DSCAM: variants seen among roughly 807,000 people sequenced by gnomAD.
DSCAM encodes the protein cell adhesion molecule DSCAM.
A neutral mutation model predicts 217.7 loss-of-function variants in DSCAM; 47 were observed. The ratio of observed to expected loss-of-function variants is 0.22; its 90% CI spans 0.17 to 0.28. DSCAM has a LOEUF of 0.28. DSCAM is among the 10% of genes least tolerant of loss of function. DSCAM has a pLI of 1.00. For missense variants in DSCAM, 2,080 were observed against 2,618.3 expected (o/e 0.79, Z 4.49); for synonymous variants, 1,056 against 1,015.3 (o/e 1.04, Z -0.76).
intron 18 of DSCAM, among the ~76,000 whole-genome samples, chr21:40,137,154 G>A (rs142563508): frequency 7.2e-4 from 94 of 131,428 alleles, no homozygotes; most frequent in African/African-American, 2.5e-3. Flanking sequence ...CAGCCTGGGC[G>A]ACAGAGCGAG....
At chr21:40,430,382 G>A (rs1455410448) in intron 3 of DSCAM, among the ~76,000 whole-genome samples, 2 of 152,154 alleles carry the variant, frequency 1.3e-5, no homozygotes, top group African/African-American at 4.8e-5. Context: ...TTAATTTGTT[G>A]GGCACAATCT....
chr21:40,296,191 G>T lies in DSCAM; in HGVS notation c.2063-17C>A. The T allele has an allele frequency of 6.2e-7, 1 of 1,613,372 alleles. No homozygotes were observed. The highest frequency in any genetic ancestry group is 8.5e-7 in the Non-Finnish European group (1 of 1,179,744). ...TGGGAGGAACTGAAAAGAGAGAAAT[G>T]TCACCAGTAATTAAGACTAGACCAG... is the stretch of plus-strand genomic sequence containing the variant. On this transcript the variant is annotated splice_polypyrimidine_tract_variant and intron_variant, in intron 9 of 32. Coordinates refer to ENST00000400454, the MANE Select transcript of DSCAM (RefSeq NM_001389.5).
chr21:40,567,579 A>G (rs1490158212), intron 3 of DSCAM, among the ~76,000 whole-genome samples: 1 of 152,242 alleles, frequency 6.6e-6, no homozygotes, highest in African/African-American at 2.4e-5. Flanking sequence ...ATCTGTCTCT[A>G]TAATTATCCA....
chr21:40,553,643 T>C lies in DSCAM; in HGVS notation c.508+139167A>G, dbSNP rs143917100. Among the ~76,000 whole-genome samples, 69 of 152,342 alleles carry C rather than the reference T, an allele frequency of 4.5e-4. No individual in the cohort carries two copies. In the South Asian group the frequency reaches 6.0e-3, roughly 13 times the overall value. On this transcript the variant is annotated intron_variant, in intron 3 of 32. Transcript: ENST00000400454. ...TTCCTCTTCTAGCCAACAACTGTGA[T>C]ATCTAAATGCTTCTCACTCTTCATT...
intron 3 of DSCAM, among the ~76,000 whole-genome samples, chr21:40,637,636 T>TATATCTATATAG: frequency 1.5e-5 from 1 of 67,312 alleles, no homozygotes; most frequent in African/African-American, 7.1e-5. Flanking sequence ...TATATAAATA[T>TATATCTATATAG]ATATAAATAT....
intron 21 of DSCAM, among the ~76,000 whole-genome samples, chr21:40,090,952 CAT>C (rs1568935470): frequency 6.6e-6 from 1 of 152,168 alleles, no homozygotes; most frequent in Non-Finnish European, 1.5e-5. Context: ...TATGCTAACT[CAT>C]GTGAGAATTT....
intron 3 of DSCAM, among the ~76,000 whole-genome samples, chr21:40,658,671 A>G (rs1399410851): frequency 6.6e-6 from 1 of 152,212 alleles, no homozygotes; most frequent in Non-Finnish European, 1.5e-5. Flanking sequence ...TGGGATGCCC[A>G]CAGTATGTGT....
Position 40,012,555 on chromosome 21 carries a change from AAAG to A in DSCAM, c.*476_*478del, listed in dbSNP as rs2088076264. On this transcript the variant is annotated 3_prime_UTR_variant, in exon 33 of 33. Coordinates refer to ENST00000400454, the MANE Select transcript of DSCAM (RefSeq NM_001389.5). ...ACGGCACTCATCCTAATTAACAACA[AAAG>A]AAGACCAAATTGAGAACCCGGTTTC... 6.6e-6 allele frequency: 1 copy of A among 152,302 alleles called. No individual in the cohort carries two copies. The highest frequency in any genetic ancestry group is 1.5e-5 in the Non-Finnish European group (1 of 68,142). 9.4% of individuals were successfully genotyped at this position (152,302 alleles called of 1,614,324 possible).
intron 20 of DSCAM, among the ~76,000 whole-genome samples, chr21:40,102,162 G>T (rs1232446890): frequency 6.6e-6 from 1 of 152,152 alleles, no homozygotes; most frequent in Admixed American, 6.5e-5. Flanking sequence ...AAACTCGTTT[G>T]AACCTTTCTC....
chr21:40,846,193 T>C (rs17764048), intron 1 of DSCAM, among the ~76,000 whole-genome samples: 5,518 of 152,178 alleles, frequency 0.036, 166 homozygotes, highest in Middle Eastern at 0.058. Flanking sequence ...TCAAAAAGCA[T>C]TGAATCTGAA....
In DSCAM at chr21:40,123,501, T is replaced by C. The variant is rs376675061; in HGVS notation, c.3696+694A>G. 1.1e-4 allele frequency among the ~76,000 whole-genome samples: 17 copies of C among 152,302 alleles called. No homozygotes were observed. The East Asian group carries it at 3.3e-3, about 29-fold the overall frequency. On this transcript the variant is annotated intron_variant, in intron 20 of 32. Transcript: ENST00000400454. ...GGTCATTTTAATGTTTTCTTTTCTT[T>C]AAAATTTCCCTTTTTGATATGTTTT...
intron 3 of DSCAM, among the ~76,000 whole-genome samples, chr21:40,401,461 A>G (rs902743024): frequency 1.3e-5 from 2 of 152,188 alleles, no homozygotes; most frequent in Non-Finnish European, 2.9e-5. Context: ...AAACAAGTAT[A>G]ATTGGATCCC....
intron 27 of DSCAM, among the ~76,000 whole-genome samples, chr21:40,065,348 T>C (rs1333620879): frequency 6.6e-6 from 1 of 152,076 alleles, no homozygotes; most frequent in Non-Finnish European, 1.5e-5. Flanking sequence ...GTGTTTTTCA[T>C]ATCCCCATAG....
At chr21:40,292,514 C>G (rs1249218455) in intron 10 of DSCAM, among the ~76,000 whole-genome samples, 7 of 151,794 alleles carry the variant, frequency 4.6e-5, no homozygotes, top group Admixed American at 2.6e-4. Context: ...AAAAAAAAGC[C>G]TAATATCCAG....
At chr21:40,210,179 C>A (rs1051430000) in intron 11 of DSCAM, among the ~76,000 whole-genome samples, 1 of 152,150 alleles carries the variant, frequency 6.6e-6, no homozygotes, top group Admixed American at 6.5e-5. Flanking sequence ...CTGAAAATTA[C>A]CTCCAGTTCT....
At chr21:40,424,139 G>A (rs899387994) in intron 3 of DSCAM, among the ~76,000 whole-genome samples, 5 of 152,170 alleles carry the variant, frequency 3.3e-5, no homozygotes, top group African/African-American at 1.2e-4. Context: ...AGATAGCCTA[G>A]CAGCATGACG....
rs182956938 is a variant in DSCAM at position 40,546,874 on chromosome 21, G to A, written c.508+145936C>T. On this transcript the variant is annotated intron_variant, in intron 3 of 32. Transcript: ENST00000400454. ...CGTCTTACACTTCCCCTTTTCAGGA[G>A]AGGCCTAGTGAGAATGTGGTTTTGC... Among the ~76,000 whole-genome samples the A allele has an allele frequency of 9.9e-5, 15 of 152,192 alleles. No individual in the cohort carries two copies. The East Asian group carries it at 2.5e-3, about 26-fold the overall frequency.
intron 11 of DSCAM, among the ~76,000 whole-genome samples, chr21:40,194,697 A>C (rs776534195): frequency 2.6e-5 from 4 of 152,234 alleles, no homozygotes; most frequent in Non-Finnish European, 5.9e-5. Flanking sequence ...CTTATGATAT[A>C]AGGGAGCATC....
At chr21:40,578,791 T>C (rs559743699) in intron 3 of DSCAM, among the ~76,000 whole-genome samples, 7 of 152,260 alleles carry the variant, frequency 4.6e-5, no homozygotes, top group African/African-American at 1.4e-4. Context: ...AGATGTATGA[T>C]GGGGTTGTTG....
Sources: gnomAD v4.1 joint callset for allele counts (sites outside exome capture counted in the v4.1 genomes callset) on GRCh38, gnomAD v4.1.1 for gene constraint, MANE v1.5 for transcripts, NCBI Gene and HGNC (gene_info 2026-07-23, HGNC 2026-07-21) for gene names.